Variants in SRBD1 observed in about 807,000 individuals in gnomAD.
SRBD1 encodes the protein S1 RNA binding domain 1, also known as S1 RNA-binding domain-containing protein 1.
Under a neutral mutation model 115.3 loss-of-function variants are expected in SRBD1, and 88 were observed. The observed-to-expected ratio is 0.76, with a 90% CI of 0.64 to 0.91. SRBD1 has a LOEUF of 0.91. SRBD1 is among the 40% of genes least tolerant of loss of function. SRBD1 has a pLI of 0.00. For missense variants in SRBD1, 1,385 were observed against 1,177.4 expected, an observed-to-expected ratio of 1.18 and a Z score of -2.58; for synonymous variants, 509 against 407.7, an observed-to-expected ratio of 1.25 and a Z score of -2.99.
At chr2:45,408,625 T>C (rs1219543503) in intron 19 of SRBD1, among the ~76,000 whole-genome samples, 2 of 152,180 alleles carry the variant, frequency 1.3e-5, no homozygotes, top group Non-Finnish European at 2.9e-5. Flanking sequence ...GGTTTGAACA[T>C]TGCTGATGAC....
chr2:45,547,121 G>A (rs191170030), intron 13 of SRBD1, among the ~76,000 whole-genome samples: 166 of 152,248 alleles, frequency 1.1e-3, no homozygotes, highest in Non-Finnish European at 1.5e-3. Flanking sequence ...TCAGAGATAA[G>A]TCAACTCTGG....
At chr2:45,596,989 C>CAA (rs1558503249) in intron 4 of SRBD1, among the ~76,000 whole-genome samples, 576 of 18,146 alleles carry the variant, frequency 0.032, 5 homozygotes, top group African/African-American at 0.066. Context: ...CCACAACCCT[C>CAA]ACACACACAC....
intron 14 of SRBD1, among the ~76,000 whole-genome samples, chr2:45,497,663 T>C (rs540608775): frequency 1.3e-5 from 2 of 152,332 alleles, no homozygotes; most frequent in African/African-American, 4.8e-5. Context: ...TTCACCCATG[T>C]TAAGTGAATA....
At chr2:45,595,790 A>C (rs1673876290) in intron 4 of SRBD1, among the ~76,000 whole-genome samples, 2 of 152,218 alleles carry the variant, frequency 1.3e-5, no homozygotes, top group Non-Finnish European at 2.9e-5. Context: ...TGGTTAAATA[A>C]AAAGAACCCA....
intron 18 of SRBD1, among the ~76,000 whole-genome samples, chr2:45,414,526 A>ATAGTGTGTGTACACACATAGTGTCTG (rs1332301224): frequency 1.4e-5 from 2 of 147,022 alleles, no homozygotes; most frequent in African/African-American, 2.6e-5. Context: ...TAGTGTGTAT[A>ATAGTGTGTGTACACACATAGTGTCTG]TAGTGTGTGT....
chr2:45,585,905 AAAG>A (rs1347536129), intron 4 of SRBD1, 131 bp from the exon 5 acceptor site: 2 of 682,762 alleles, frequency 2.9e-6, no homozygotes, highest in Non-Finnish European at 4.5e-6. Flanking sequence ...TTTTTAAAAA[AAAG>A]AAAGCCATAT....
At chr2:45,483,689 T>C (rs1304662918) in intron 15 of SRBD1, among the ~76,000 whole-genome samples, 1 of 152,104 alleles carries the variant, frequency 6.6e-6, no homozygotes, top group African/African-American at 2.4e-5. Flanking sequence ...ATTCATCTCA[T>C]TTTATCCTTC....
intron 14 of SRBD1, among the ~76,000 whole-genome samples, chr2:45,528,512 A>G (rs1361656097): frequency 1.3e-5 from 2 of 151,824 alleles, no homozygotes; most frequent in Non-Finnish European, 2.9e-5. Context: ...ACACATAAAA[A>G]ATAGGTTTGG....
At chr2:45,559,594 T>C (rs2104092089) in intron 10 of SRBD1, among the ~76,000 whole-genome samples, 1 of 151,778 alleles carries the variant, frequency 6.6e-6, no homozygotes, top group Non-Finnish European at 1.5e-5. Context: ...ATAACTTGAA[T>C]GGATAAGTAC....
chr2:45,464,605 TC>T (rs1669423909), intron 16 of SRBD1, among the ~76,000 whole-genome samples: 1 of 152,182 alleles, frequency 6.6e-6, no homozygotes, highest in South Asian at 2.1e-4. Context: ...GGTCACTACC[TC>T]AGCTTTGAGA....
intron 16 of SRBD1, among the ~76,000 whole-genome samples, chr2:45,439,853 T>C (rs1437603243): frequency 6.6e-6 from 1 of 151,816 alleles, no homozygotes; most frequent in Non-Finnish European, 1.5e-5. Flanking sequence ...GTAGGCCAGA[T>C]AATCAGTTTA....
chr2:45,469,667 G>T (rs1176627589), intron 16 of SRBD1, among the ~76,000 whole-genome samples: 2 of 152,096 alleles, frequency 1.3e-5, no homozygotes, highest in Admixed American at 1.3e-4. Context: ...ACCCAGAAAA[G>T]AAATTTTAAA....
At chr2:45,526,130 G>A (rs1435235467) in intron 14 of SRBD1, among the ~76,000 whole-genome samples, 1 of 151,944 alleles carries the variant, frequency 6.6e-6, no homozygotes, top group Non-Finnish European at 1.5e-5. Context: ...GAGCCCATAT[G>A]TCCACACCAA....
At chr2:45,578,346 C>G (rs1465261739) in intron 7 of SRBD1, among the ~76,000 whole-genome samples, 1 of 152,158 alleles carries the variant, frequency 6.6e-6, no homozygotes, top group Non-Finnish European at 1.5e-5. Flanking sequence ...ATTTGGAAAT[C>G]TAACTATAAA....
intron 1 of SRBD1, among the ~76,000 whole-genome samples, chr2:45,608,500 T>C (rs1674343044): frequency 6.6e-6 from 1 of 152,210 alleles, no homozygotes; most frequent in South Asian, 2.1e-4. Context: ...CCATCTCCAC[T>C]ACTCCCATAT....
intron 16 of SRBD1, among the ~76,000 whole-genome samples, chr2:45,465,046 C>T (rs6723100): frequency 0.37 from 51,666 of 141,150 alleles, 11,484 homozygotes; most frequent in African/African-American, 0.56. Context: ...CACACACACA[C>T]ACAGAGTCAT....
chr2:45,512,598 A>C (rs1671002881), intron 14 of SRBD1, among the ~76,000 whole-genome samples: 3 of 152,202 alleles, frequency 2.0e-5, no homozygotes. Context: ...TTTGAACAGA[A>C]AGACAATCAT....
chr2:45,493,806 C>G (rs1312558600), intron 14 of SRBD1, among the ~76,000 whole-genome samples: 1 of 138,074 alleles, frequency 7.2e-6, no homozygotes, highest in Non-Finnish European at 1.6e-5. Context: ...AATGAAACTT[C>G]AACTCAAAAA....
chr2:45,510,167 C>T (rs1670924277), intron 14 of SRBD1, among the ~76,000 whole-genome samples: 2 of 152,112 alleles, frequency 1.3e-5, no homozygotes, highest in African/African-American at 2.4e-5. Context: ...TGTGTATATA[C>T]TCTACTTGTT....
Sources: allele counts gnomAD v4.1 joint callset (sites outside exome capture counted in the v4.1 genomes callset), GRCh38; gene constraint gnomAD v4.1.1; transcripts MANE v1.5; gene names NCBI Gene and HGNC (gene_info 2026-07-23, HGNC 2026-07-21).